The following CADM2 variants were observed in gnomAD, a reference collection of about 807,000 sequenced individuals.
CADM2 encodes cell adhesion molecule 2.
A neutral mutation model predicts 49.8 loss-of-function variants in CADM2; 12 were observed. The ratio of observed to expected loss-of-function variants is 0.24; its 90% CI spans 0.15 to 0.39. The LOEUF (loss-of-function observed/expected upper bound fraction) is 0.39, where lower values mean the gene tolerates loss of function less well. Among genes scored for constraint, CADM2 ranks in the 10% least tolerant of loss-of-function variants. The pLI is 1.00. For missense variants in CADM2, 378 were observed against 492.3 expected, an observed-to-expected ratio of 0.77 and a Z score of 2.20; for synonymous variants, 214 against 175.4, an observed-to-expected ratio of 1.22 and a Z score of -1.74.
chr3:85,678,615 T>A (rs2065950142), intron 1 of CADM2, among the ~76,000 whole-genome samples: 1 of 152,186 alleles, frequency 6.6e-6, no homozygotes, highest in East Asian at 1.9e-4. Context: ...TATAGCCTGA[T>A]CAAAAAGTTC....
chr3:85,098,980 A>G (rs1156640359), intron 1 of CADM2, among the ~76,000 whole-genome samples: 1 of 152,126 alleles, frequency 6.6e-6, no homozygotes, highest in Non-Finnish European at 1.5e-5. Context: ...TATACCCATA[A>G]CCCACCTACC....
intron 1 of CADM2, among the ~76,000 whole-genome samples, chr3:85,331,757 C>A (rs908044091): frequency 2.0e-5 from 3 of 151,942 alleles, no homozygotes; most frequent in East Asian, 1.9e-4. Flanking sequence ...GAGGGTTCCC[C>A]TTTCTCCACA....
chr3:85,764,543 A>G (rs547940635), intron 2 of CADM2, among the ~76,000 whole-genome samples: 1 of 152,234 alleles, frequency 6.6e-6, no homozygotes, highest in African/African-American at 2.4e-5. Context: ...CTTTAGCACC[A>G]AGGAGTATTT....
chr3:85,109,022 T>A (rs1024436088), intron 1 of CADM2, among the ~76,000 whole-genome samples: 2 of 152,074 alleles, frequency 1.3e-5, no homozygotes, highest in African/African-American at 4.8e-5. Flanking sequence ...CAGTTGCTAT[T>A]TTGTGTGGTT....
At chr3:85,003,034 A>G (rs571562781) in intron 1 of CADM2, among the ~76,000 whole-genome samples, 2 of 152,200 alleles carry the variant, frequency 1.3e-5, no homozygotes, top group Non-Finnish European at 2.9e-5. Flanking sequence ...GGCCTCAAGC[A>G]ATCCTTCTGC....
At chr3:85,006,636 G>T (rs527358798) in intron 1 of CADM2, among the ~76,000 whole-genome samples, 12 of 152,100 alleles carry the variant, frequency 7.9e-5, no homozygotes, top group Admixed American at 1.3e-4. Flanking sequence ...TCCTCAGTTT[G>T]ATTATCTTTC....
chr3:85,830,769 G>T (rs914541979), intron 3 of CADM2, among the ~76,000 whole-genome samples: 3 of 150,400 alleles, frequency 2.0e-5, no homozygotes, highest in Non-Finnish European at 4.4e-5. Context: ...TTTTTATTTT[G>T]TTTTTGGTCA....
At chr3:85,149,651 G>A (rs958866742) in intron 1 of CADM2, among the ~76,000 whole-genome samples, 3 of 152,178 alleles carry the variant, frequency 2.0e-5, no homozygotes, top group Admixed American at 6.5e-5. Flanking sequence ...GCAGGAGAAA[G>A]GCGTGGTGGA....
At chr3:85,674,088 A>C (rs62261694) in intron 1 of CADM2, among the ~76,000 whole-genome samples, 2,426 of 152,280 alleles carry the variant, frequency 0.016, 27 homozygotes, top group South Asian at 0.028. Context: ...GCAGCAGTCA[A>C]CGAAACCACA....
At chr3:85,054,258 G>A (rs1343590037) in intron 1 of CADM2, among the ~76,000 whole-genome samples, 5 of 151,726 alleles carry the variant, frequency 3.3e-5, no homozygotes, top group African/African-American at 4.8e-5. Context: ...AAATAGGTGT[G>A]AGCGATGGGA....
intron 8 of CADM2, among the ~76,000 whole-genome samples, chr3:86,010,301 CTG>C (rs2106902947): frequency 6.6e-6 from 1 of 151,952 alleles, no homozygotes; most frequent in South Asian, 2.1e-4. Flanking sequence ...AAAAATATAA[CTG>C]TTTTTTCCCA....
intron 1 of CADM2, among the ~76,000 whole-genome samples, chr3:85,565,596 C>A (rs62250489): frequency 0.51 from 77,882 of 151,938 alleles, 23,046 homozygotes; most frequent in East Asian, 0.85. Flanking sequence ...ATGCTCATAT[C>A]TCTCTGTGAA....
chr3:85,742,318 C>T (rs777719512), intron 2 of CADM2, among the ~76,000 whole-genome samples: 1 of 152,132 alleles, frequency 6.6e-6, no homozygotes, highest in African/African-American at 2.4e-5. Flanking sequence ...GTTATACATA[C>T]ATGTCTTTCT....
At chr3:85,014,153 T>C (rs1222908977) in intron 1 of CADM2, among the ~76,000 whole-genome samples, 1 of 147,034 alleles carries the variant, frequency 6.8e-6, no homozygotes, top group Non-Finnish European at 1.5e-5. Context: ...AGTGTAATAT[T>C]GTATATTATA....
chr3:85,825,252 G>A (rs533687967), intron 3 of CADM2, among the ~76,000 whole-genome samples: 1 of 152,110 alleles, frequency 6.6e-6, no homozygotes, highest in African/African-American at 2.4e-5. Flanking sequence ...TTCAAGTTTA[G>A]AGGGCTTAAT....
intron 1 of CADM2, among the ~76,000 whole-genome samples, chr3:85,135,258 A>C (rs2039380098): frequency 6.6e-6 from 1 of 151,996 alleles, no homozygotes; most frequent in Non-Finnish European, 1.5e-5. Context: ...TTCTTTTTTC[A>C]GAATATTCTA....
intron 1 of CADM2, among the ~76,000 whole-genome samples, chr3:85,554,266 C>T (rs2061892631): frequency 1.3e-5 from 2 of 152,262 alleles, no homozygotes; most frequent in Middle Eastern, 3.4e-3. Context: ...CAATAGGGTT[C>T]CTGCTCCTAT....
intron 2 of CADM2, among the ~76,000 whole-genome samples, chr3:85,768,709 T>A (rs908802137): frequency 6.9e-6 from 1 of 144,984 alleles, no homozygotes; most frequent in Non-Finnish European, 1.5e-5. Flanking sequence ...AATATACACA[T>A]ATACACACAT....
At chr3:85,179,593 A>G (rs1457762937) in intron 1 of CADM2, among the ~76,000 whole-genome samples, 3 of 151,984 alleles carry the variant, frequency 2.0e-5, no homozygotes, top group Non-Finnish European at 2.9e-5. Flanking sequence ...TTCTGGGGTC[A>G]TATTATTAAG....
Sources: allele counts gnomAD v4.1 joint callset (sites outside exome capture counted in the v4.1 genomes callset), GRCh38; gene constraint gnomAD v4.1.1; transcripts MANE v1.5; gene names NCBI Gene and HGNC (gene_info 2026-07-23, HGNC 2026-07-21).